Variants in DCLRE1B observed in about 807,000 individuals in gnomAD.
The protein encoded by DCLRE1B is DNA cross-link repair 1B.
A neutral mutation model predicts 19.8 loss-of-function variants in DCLRE1B; 6 were observed. The ratio of observed to expected loss-of-function variants is 0.30; its 90% CI spans 0.17 to 0.60. The LOEUF is 0.60. DCLRE1B is among the 20% of genes least tolerant of loss of function. The pLI, the probability that DCLRE1B is intolerant of heterozygous loss-of-function variation, is 0.87. For synonymous variants in DCLRE1B, 258 were observed against 255.7 expected (o/e 1.01, Z -0.09); for missense variants, 622 against 654.2 (o/e 0.95, Z 0.54).
upstream of DCLRE1B, chr1:113,904,748 G>T (rs775262461): frequency 5.0e-6 from 8 of 1,584,222 alleles, no homozygotes; most frequent in Non-Finnish European, 6.9e-6. Flanking sequence ...AGCTCCCACA[G>T]CTCCCACGGT....
At position 113,912,188 on chromosome 1, in the gene DCLRE1B, C is replaced by T. The variant is rs1400957310; in HGVS notation, c.1596C>T (p.Cys532=). The change falls in exon 4 of 4, where the codon TGC becomes TGT. Residue 532 remains cysteine, a synonymous_variant. Coordinates refer to ENST00000650450, the MANE Select transcript of DCLRE1B (RefSeq NM_022836.4). The part of the protein sequence containing the change: ...DQQVEKYHKP[C] ...AAGTGGAAAAATACCATAAACCCTG[C>T]TGAAGACAGGAGAGTACAGAATGAC... 3.7e-6 allele frequency: 6 copies of T among 1,608,124 alleles called. No homozygotes were observed. The highest frequency in any genetic ancestry group is 3.3e-5 in the Admixed American group (2 of 59,802).
chr1:113,911,213 C>T lies in DCLRE1B; in HGVS notation c.621C>T (p.Arg207=), dbSNP rs1005365833. 3 of 1,614,140 alleles carry T rather than the reference C, an allele frequency of 1.9e-6. No homozygotes were observed. Among genetic ancestry groups the T allele is most frequent in the Non-Finnish European group, 1.7e-6 (2 of 1,180,016 alleles). The change falls in exon 4 of 4, where the codon CGC becomes CGT. Residue 207 remains arginine (R), a synonymous_variant. Coordinates refer to ENST00000650450, the MANE Select transcript of DCLRE1B (RefSeq NM_022836.4). ...CCTGGGTGGTATTGAGTCCTCGGCG[C>T]CTGGAGTTGGTACAGCTACTGGGCC... ...FQTWVVLSPR[R]LELVQLLGLA...
In DCLRE1B at chr1:113,912,533, T is replaced by G. The variant is rs1669304423; in HGVS notation, c.*342T>G. ...AAACTTTTGTGAACATGCAATCATC[T>G]TATGTGGGTACAGAAAGAGGTAAAG... is the stretch of plus-strand genomic sequence containing the variant. On this transcript the variant is annotated 3_prime_UTR_variant, in exon 4 of 4. Coordinates refer to ENST00000650450, the MANE Select transcript of DCLRE1B (RefSeq NM_022836.4). The G allele has an allele frequency of 5.2e-6, 1 of 190,522 alleles. No individual in the cohort carries two copies. The highest frequency in any genetic ancestry group is 1.1e-5 in the Non-Finnish European group (1 of 92,890). 11.8% of individuals were successfully genotyped at this position (190,522 alleles called of 1,614,324 possible).
intron 2 of DCLRE1B, among the ~76,000 whole-genome samples, chr1:113,907,615 G>A (rs558110866): frequency 2.0e-5 from 3 of 152,088 alleles, no homozygotes; most frequent in East Asian, 1.9e-4. Context: ...GATGACAGGC[G>A]CCTGCCACCA....
At chr1:113,906,695 G>T (rs867827485) in intron 1 of DCLRE1B, among the ~76,000 whole-genome samples, 1 of 151,226 alleles carries the variant, frequency 6.6e-6, no homozygotes, top group Non-Finnish European at 1.5e-5. Context: ...GGGTTTCACC[G>T]TGTTAGCCAG....
chr1:113,906,984 C>G lies in DCLRE1B; in HGVS notation c.190-12C>G, dbSNP rs1156295616. 6.2e-7 allele frequency: 1 copy of G among 1,613,544 alleles called. No individual in the cohort carries two copies. Among genetic ancestry groups the G allele is most frequent in the Non-Finnish European group, 8.5e-7 (1 of 1,179,760 alleles). ...AGTCAGTGGTCACTGGGATGACTAA[C>G]TGTTTTCTCAGGTATCTAAGCAATG... On this transcript the variant is annotated splice_polypyrimidine_tract_variant and intron_variant, in intron 1 of 3. Transcript: ENST00000650450.
rs775399714 is a variant in DCLRE1B, at chr1:113,911,222, G to A, written c.630G>A (p.Leu210=). Residue 210 remains leucine (L), a synonymous_variant, in exon 4 of 4, where the codon TTG becomes TTA. Coordinates refer to ENST00000650450, the MANE Select transcript of DCLRE1B (RefSeq NM_022836.4). ...TATTGAGTCCTCGGCGCCTGGAGTT[G>A]GTACAGCTACTGGGCCTGGCAGATG... ...WVVLSPRRLE[L]VQLLGLADVF... is the part of the protein sequence containing the mutation. The A allele has an allele frequency of 5.6e-6, 9 of 1,614,122 alleles. No homozygotes were observed. The South Asian group carries it at 7.7e-5, about 14-fold the overall frequency.
At chr1:113,905,200 CCGA>C (rs1255974818), upstream of DCLRE1B, 2 of 335,588 alleles carry the variant, frequency 6.0e-6, no homozygotes, top group Non-Finnish European at 1.1e-5. Flanking sequence ...AGTCCCGACT[CCGA>C]CCTTAGGATG....
chr1:113,908,143 C>T lies in DCLRE1B; in HGVS notation c.490C>T (p.Gln164Ter), dbSNP rs1293399307. The T allele has an allele frequency of 5.0e-6, 8 of 1,614,184 alleles. No individual in the cohort carries two copies. The highest frequency in any genetic ancestry group is 6.8e-6 in the Non-Finnish European group (8 of 1,180,032). The change falls in exon 3 of 4, where the codon CAG (glutamine) becomes TAG (stop). Residue 164 changes from glutamine (Q) to a stop codon, truncating the protein, a stop_gained. Coordinates refer to ENST00000650450, the MANE Select transcript of DCLRE1B (RefSeq NM_022836.4). LOFTEE classifies it low-confidence loss of function (END_TRUNC). ...VLPSRQEAAHQIVQLIRKHPQ... is the reference protein window; with the variant it reads ...VLPSRQEAAH ...TCCTTCCCGACAAGAAGCTGCCCAC[C>T]AGATTGTCCAGCTCATTCGAAAACA... is the stretch of plus-strand genomic sequence containing the variant.
In DCLRE1B at chr1:113,912,160, A is replaced by G; in HGVS notation, c.1568A>G (p.Gln523Arg). 1 of 1,613,814 alleles carries G rather than the reference A, an allele frequency of 6.2e-7. No individual in the cohort carries two copies. Among genetic ancestry groups the G allele is most frequent in the East Asian group, 2.2e-5 (1 of 44,884 alleles). The change falls in exon 4 of 4, where the codon CAG (glutamine) becomes CGG (arginine). Residue 523 changes from glutamine (Q) to arginine (R), a missense_variant. Physicochemically the swap from Gln to Arg is conservative, Grantham distance 43. This residue lies in a region of DCLRE1B where 382 missense variants were observed against 412.5 expected (regional missense o/e 0.93). Transcript: ENST00000650450. Reference sequence around the variant, plus strand: ...GGGTATTCTTCCAGGAGATTTGACCAGCAAGTGGAAAAATACCATAAACCC... The same window carrying G: ...GGGTATTCTTCCAGGAGATTTGACCGGCAAGTGGAAAAATACCATAAACCC... Reference protein sequence around the residue: ...QAGYSSRRFDQQVEKYHKPC With the variant: ...QAGYSSRRFDRQVEKYHKPC
Position 113,905,401 on chromosome 1 carries a change from C to T in DCLRE1B, c.-186C>T. The T allele has an allele frequency of 1.6e-6, 1 of 630,528 alleles. No homozygotes were observed. The highest frequency in any genetic ancestry group is 2.6e-6 in the Non-Finnish European group (1 of 378,098). 39.1% of individuals were successfully genotyped at this position (630,528 alleles called of 1,614,324 possible). On this transcript the variant is annotated 5_prime_UTR_variant, in exon 1 of 4. Transcript: ENST00000650450. The stretch of plus-strand genomic sequence containing the variant: ...GCGCCCTCCGCGATTTGGGCTCCAG[C>T]GGGCAGGGTGACTTCCTTTTTCTGC...
At chr1:113,907,272 G>A in intron 2 of DCLRE1B, 111 bp downstream of exon 2, 2 of 1,002,404 alleles carry the variant, frequency 2.0e-6, no homozygotes, top group East Asian at 2.8e-5. Flanking sequence ...TGCCGAGGCT[G>A]GTCTCAAACT....
In DCLRE1B at chr1:113,905,341, C is replaced by G. The variant is rs1668847400; in HGVS notation, c.-246C>G. On this transcript the variant is annotated 5_prime_UTR_variant, in exon 1 of 4. Coordinates refer to ENST00000650450, the MANE Select transcript of DCLRE1B (RefSeq NM_022836.4). ...TGCAGCGCGCGCTTTGAGTGCCCGG[C>G]TCGGCCTCCGCTCCCGCGCGGTTGG... 1 of 512,012 alleles carries G rather than the reference C, an allele frequency of 2.0e-6. No individual in the cohort carries two copies. Among genetic ancestry groups the G allele is most frequent in the Non-Finnish European group, 3.4e-6 (1 of 291,016 alleles). 31.7% of individuals were successfully genotyped at this position (512,012 alleles called of 1,614,324 possible).
rs1352411390 is a variant in DCLRE1B, at chr1:113,912,101, A to G, written c.1509A>G (p.Lys503=). ...LATEFRGLAL[K]YLLTPVNFFQ... ...CTGAATTCAGGGGTCTAGCACTCAA[A>G]TATCTTCTGACTCCAGTGAACTTTT... Residue 503 remains lysine (K), a synonymous_variant, in exon 4 of 4, where the codon AAA becomes AAG. Transcript: ENST00000650450. 1.9e-6 allele frequency: 3 copies of G among 1,614,066 alleles called. No individual in the cohort carries two copies. The highest frequency in any genetic ancestry group is 1.3e-5 in the African/African-American group (1 of 74,914).
rs973749094 is a variant in DCLRE1B, at chr1:113,910,528, G to T, written c.539-603G>T. ...TTTTTGTTTTTTTTTAAGAGACAGG[G>T]TCTCACTCTGTTGCCCAGGCTGGAG... is the stretch of plus-strand genomic sequence containing the variant. On this transcript the variant is annotated intron_variant, in intron 3 of 3. Transcript: ENST00000650450. 2.6e-5 allele frequency among the ~76,000 whole-genome samples: 4 copies of T among 151,916 alleles called. No homozygotes were observed. In the East Asian group the frequency reaches 5.8e-4, roughly 22 times the overall value.
Position 113,912,066 on chromosome 1 carries a change from C to G in DCLRE1B, c.1474C>G (p.Leu492Val). 6.2e-7 allele frequency: 1 copy of G among 1,614,234 alleles called. No individual in the cohort carries two copies. The stretch of plus-strand genomic sequence containing the variant: ...GTCCCACAGCAGCAAGGGCACCCCT[C>G]TTCTAGCTACTGAATTCAGGGGTCT... ...PLSHSSKGTP[L>V]LATEFRGLAL... Residue 492 changes from leucine to valine, a missense_variant, in exon 4 of 4, where the codon CTT becomes GTT. Transcript: ENST00000650450.
chr1:113,905,658 A>G lies in DCLRE1B; in HGVS notation c.72A>G (p.Ala24=). The G allele has an allele frequency of 6.2e-7, 1 of 1,614,154 alleles. No homozygotes were observed. Among genetic ancestry groups the G allele is most frequent in the Non-Finnish European group, 8.5e-7 (1 of 1,180,032 alleles). Residue 24 remains alanine, a synonymous_variant, in exon 1 of 4, where the codon GCA becomes GCG. Transcript: ENST00000650450. ...DFWSLRRAGT[A]RLFFLSHMHS... is the part of the protein sequence containing the mutation. The stretch of plus-strand genomic sequence containing the variant: ...GGAGCCTGCGCCGGGCTGGCACCGC[A>G]CGTCTCTTCTTCTTGTCTCACATGC...
At position 113,911,447 on chromosome 1, in the gene DCLRE1B, TG is replaced by T; in HGVS notation, c.856del (p.Val286SerfsTer4). On this transcript the variant is annotated frameshift_variant, in exon 4 of 4. Coordinates refer to ENST00000650450, the MANE Select transcript of DCLRE1B (RefSeq NM_022836.4). LOFTEE classifies it low-confidence loss of function (END_TRUNC). ...HSSYSELRAF[V>X]AALKPCQVVP... ...CCTCTTACTCCGAGCTTCGTGCCTTTGTCGCAGCACTGAAGCCTTGCCAGGT... is the reference window on the plus strand; with the variant it reads ...CCTCTTACTCCGAGCTTCGTGCCTTTTCGCAGCACTGAAGCCTTGCCAGGT... 6.2e-7 allele frequency: 1 copy of T among 1,614,230 alleles called. No individual in the cohort carries two copies. The highest frequency in any genetic ancestry group is 8.5e-7 in the Non-Finnish European group (1 of 1,180,028).
Position 113,911,957 on chromosome 1 carries a change from C to T in DCLRE1B, c.1365C>T (p.Ser455=). 1 of 1,614,148 alleles carries T rather than the reference C, an allele frequency of 6.2e-7. No individual in the cohort carries two copies. Among genetic ancestry groups the T allele is most frequent in the African/African-American group, 1.3e-5 (1 of 75,016 alleles). The change falls in exon 4 of 4, where the codon TCC becomes TCT. Residue 455 remains serine, a synonymous_variant. Coordinates refer to ENST00000650450, the MANE Select transcript of DCLRE1B (RefSeq NM_022836.4). ...CCAGGGAGGAAATTGGTTTAGGGTC[C>T]CCCTTGGTACCCATGGGAGATGATG... is the stretch of plus-strand genomic sequence containing the variant. ...QKTREEIGLG[S]PLVPMGDDDG...
Sources: gnomAD v4.1 joint callset for allele counts (sites outside exome capture counted in the v4.1 genomes callset) on GRCh38, gnomAD v4.1.1 for gene constraint, gnomAD v4.1.1 regional missense constraint, MANE v1.5 for transcripts, NCBI Gene and HGNC (gene_info 2026-07-23, HGNC 2026-07-21) for gene names.